MEI4: variants seen among roughly 807,000 people sequenced by gnomAD.
The protein encoded by MEI4 is meiosis-specific protein MEI4.
MEI4 carries 27 observed loss-of-function variants against 31.4 expected under a neutral mutation model. The observed-to-expected ratio is 0.86, with a 90% confidence interval of 0.63 to 1.19. The LOEUF (loss-of-function observed/expected upper bound fraction) is 1.19, where lower values mean the gene tolerates loss of function less well. Among genes scored for constraint, MEI4 ranks in the 50% most tolerant of loss-of-function variants. MEI4 has a pLI of 0.00. For missense variants in MEI4, 329 were observed against 398.9 expected, an observed-to-expected ratio of 0.82 and a Z score of 1.49; for synonymous variants, 122 against 145.4, an observed-to-expected ratio of 0.84 and a Z score of 1.16.
chr6:77,681,452 C>T (rs1768955738), intron 1 of MEI4, among the ~76,000 whole-genome samples: 2 of 152,174 alleles, frequency 1.3e-5, no homozygotes, highest in South Asian at 4.1e-4. Flanking sequence ...TTTAAAAAAT[C>T]CATGTTAATA....
At chr6:77,743,649 C>T (rs1262723502) in intron 2 of MEI4, among the ~76,000 whole-genome samples, 1 of 152,146 alleles carries the variant, frequency 6.6e-6, no homozygotes, top group Non-Finnish European at 1.5e-5. Context: ...GATCTGAGAA[C>T]AGGCAGACTG....
intron 3 of MEI4, among the ~76,000 whole-genome samples, chr6:77,797,924 A>C (rs1013824745): frequency 6.6e-6 from 1 of 152,154 alleles, no homozygotes; most frequent in African/African-American, 2.4e-5. Context: ...AATTAAGTTG[A>C]CACCTAGTAT....
intron 4 of MEI4, among the ~76,000 whole-genome samples, chr6:77,850,597 A>AACTGGATCT (rs1481890418): frequency 2.0e-5 from 3 of 152,228 alleles, no homozygotes; most frequent in African/African-American, 7.2e-5. Context: ...AGAAAGCTGA[A>AACTGGATCT]ACTGGATCTT....
chr6:77,827,253 T>C (rs920289980), intron 3 of MEI4, among the ~76,000 whole-genome samples: 19 of 150,352 alleles, frequency 1.3e-4, no homozygotes, highest in African/African-American at 4.4e-4. Flanking sequence ...CCAGCTACAT[T>C]GGGAGGCTGA....
chr6:77,909,064 C>A (rs961146713), intron 4 of MEI4, among the ~76,000 whole-genome samples: 1 of 152,102 alleles, frequency 6.6e-6, no homozygotes, highest in African/African-American at 2.4e-5. Context: ...TTTTCAGCAC[C>A]ACACCACACC....
intron 3 of MEI4, among the ~76,000 whole-genome samples, chr6:77,767,952 A>G (rs906649227): frequency 6.6e-6 from 1 of 152,218 alleles, no homozygotes; most frequent in Non-Finnish European, 1.5e-5. Context: ...TATACTATAC[A>G]TTTAAATACC....
intron 4 of MEI4, among the ~76,000 whole-genome samples, chr6:77,831,845 A>G (rs1268743316): frequency 6.6e-6 from 1 of 152,028 alleles, no homozygotes; most frequent in Non-Finnish European, 1.5e-5. Context: ...AGTGAATTTT[A>G]GATATAGTTA....
intron 4 of MEI4, among the ~76,000 whole-genome samples, chr6:77,840,569 A>G (rs1157837869): frequency 6.6e-6 from 1 of 152,126 alleles, no homozygotes; most frequent in African/African-American, 2.4e-5. Context: ...CTTGAAAACT[A>G]AAGATAATTC....
intron 4 of MEI4, among the ~76,000 whole-genome samples, chr6:77,853,313 A>T (rs1266613301): frequency 1.3e-5 from 2 of 152,194 alleles, no homozygotes; most frequent in African/African-American, 4.8e-5. Flanking sequence ...CATCAAGAGA[A>T]AATAAAAGAT....
At position 77,923,057 on chromosome 6, in the gene MEI4, A is replaced by G. The variant is rs181670716; in HGVS notation, c.901-32A>G. ...ATTTTTCTTAGGTAATTTATACCCA[A>G]TTTTTTAAAGGAGTTTGTTGTTTAT... On this transcript the variant is annotated intron_variant, in intron 4 of 4. Transcript: ENST00000684080. 7,586 of 1,222,852 alleles carry G rather than the reference A, an allele frequency of 6.2e-3. 26 individuals are homozygous for G. The highest frequency in any genetic ancestry group is 6.7e-3 in the Non-Finnish European group (6,549 of 980,058). The allele number at this position is 1,222,852 out of a possible 1,614,324, so 75.8% of individuals were successfully genotyped here.
In MEI4 at chr6:77,923,483, TAATGGTTAGTCTTA is replaced by T; in HGVS notation, c.*141_*154del. The T allele has an allele frequency of 4.1e-6, 3 of 725,286 alleles. No individual in the cohort carries two copies. The allele number at this position is 725,286 out of a possible 1,614,324, so 44.9% of individuals were successfully genotyped here. On this transcript the variant is annotated 3_prime_UTR_variant, in exon 5 of 5. Coordinates refer to ENST00000684080, the MANE Select transcript of MEI4 (RefSeq NM_001322247.2). The stretch of plus-strand genomic sequence containing the variant: ...TCTAAATATAATTATCAATTCAACT[TAATGGTTAGTCTTA>T]AATTGTATGAAATTTTATGAGTCAT...
intron 2 of MEI4, among the ~76,000 whole-genome samples, chr6:77,691,341 A>T (rs965244937): frequency 1.3e-5 from 2 of 152,194 alleles, no homozygotes; most frequent in Middle Eastern, 3.4e-3. Context: ...CAGAGAAAAC[A>T]GGTGTATAAA....
chr6:77,683,716 T>A (rs532267337), intron 1 of MEI4, among the ~76,000 whole-genome samples: 1 of 152,302 alleles, frequency 6.6e-6, no homozygotes, highest in African/African-American at 2.4e-5. Flanking sequence ...AATGCTGAAA[T>A]GACAAAATTT....
chr6:77,726,880 G>T (rs991647848), intron 2 of MEI4, among the ~76,000 whole-genome samples: 2 of 152,134 alleles, frequency 1.3e-5, no homozygotes, highest in African/African-American at 4.8e-5. Flanking sequence ...AAAAAGGAGT[G>T]CTCAAAAGGG....
chr6:77,922,333 T>C (rs940266749), intron 4 of MEI4, among the ~76,000 whole-genome samples: 1 of 151,746 alleles, frequency 6.6e-6, no homozygotes, highest in African/African-American at 2.4e-5. Context: ...CTAATTAGTC[T>C]ACTTTTCAGA....
chr6:77,829,196 A>T, intron 4 of MEI4, 134 bp downstream of exon 4: 1 of 663,514 alleles, frequency 1.5e-6, no homozygotes. Flanking sequence ...ATATGTGAGT[A>T]ATATTACTGC....
In MEI4 at chr6:77,924,020, T is replaced by A. The variant is rs1766781528; in HGVS notation, c.*674T>A. 1 of 151,752 alleles carries A rather than the reference T, an allele frequency of 6.6e-6. No individual in the cohort carries two copies. Among genetic ancestry groups the A allele is most frequent in the Non-Finnish European group, 1.5e-5 (1 of 67,820 alleles). 9.4% of individuals were successfully genotyped at this position (151,752 alleles called of 1,614,324 possible). A position where few individuals can be genotyped will look rare whatever the true frequency, so the allele number is the denominator to read the frequency against. Reference sequence around the variant, plus strand: ...TTTCAATTCTGTTAATTAAATATGTTATAATAGTCTTGTAATTGTTAAATA... The same window carrying A: ...TTTCAATTCTGTTAATTAAATATGTAATAATAGTCTTGTAATTGTTAAATA... On this transcript the variant is annotated 3_prime_UTR_variant, in exon 5 of 5. Transcript: ENST00000684080.
At chr6:77,912,657 G>T (rs1315102961) in intron 4 of MEI4, among the ~76,000 whole-genome samples, 1 of 151,918 alleles carries the variant, frequency 6.6e-6, no homozygotes, top group Non-Finnish European at 1.5e-5. Flanking sequence ...TTTGTATATT[G>T]TTTCAGTTTT....
intron 3 of MEI4, among the ~76,000 whole-genome samples, chr6:77,765,107 TTAAC>T (rs1259200519): frequency 6.6e-6 from 1 of 152,198 alleles, no homozygotes; most frequent in Non-Finnish European, 1.5e-5. Context: ...CTTAGACAAG[TTAAC>T]TAACCTCCAA....
Sources: allele counts gnomAD v4.1 joint callset (sites outside exome capture counted in the v4.1 genomes callset), GRCh38; gene constraint gnomAD v4.1.1; transcripts MANE v1.5; gene names NCBI Gene and HGNC (gene_info 2026-07-23, HGNC 2026-07-21).